Variants in ARFGEF1 observed in about 807,000 individuals in gnomAD.
The protein encoded by ARFGEF1 is brefeldin A-inhibited guanine nucleotide-exchange protein 1.
Under a neutral mutation model 231.0 loss-of-function variants are expected in ARFGEF1, and 42 were observed. That is an observed-to-expected ratio of 0.18 (90% confidence interval 0.14 to 0.24). The LOEUF is 0.24. Among genes scored for constraint, ARFGEF1 ranks in the 10% least tolerant of loss-of-function variants. The pLI is 1.00. For synonymous variants in ARFGEF1, 710 were observed against 732.3 expected (o/e 0.97, Z 0.49); for missense variants, 1,345 against 2,192.0 (o/e 0.61, Z 7.72).
At chr8:67,288,655 C>A (rs1163711612) in intron 6 of ARFGEF1, among the ~76,000 whole-genome samples, 3 of 152,068 alleles carry the variant, frequency 2.0e-5, no homozygotes, top group Non-Finnish European at 2.9e-5. Context: ...ACTGCTTGAA[C>A]TCGGGAGGTA....
chr8:67,288,475 G>A (rs1003347822), intron 6 of ARFGEF1, among the ~76,000 whole-genome samples: 2 of 151,654 alleles, frequency 1.3e-5, no homozygotes, highest in Non-Finnish European at 2.9e-5. Flanking sequence ...GCTCATGCCT[G>A]TAATTTCAGC....
chr8:67,183,823 G>C (rs1833634384), intron 5 of ARFGEF1, among the ~76,000 whole-genome samples: 1 of 141,676 alleles, frequency 7.1e-6, no homozygotes, highest in Non-Finnish European at 1.5e-5. Context: ...TGATAAGCCA[G>C]ACTATGTAAA....
rs1808736733 is a variant in ARFGEF1, at chr8:67,343,200, G to A, written c.88C>T (p.His30Tyr). ...LADKEVKKAH[H>Y]SQLRKACEVA... ...TCGCAAGCTTTGCGCAGCTGGGAGT[G>A]ATGCGCCTTCTTCACTTCCTTGTCG... Residue 30 changes from histidine (H) to tyrosine (Y), a missense_variant, in exon 1 of 39, where the codon CAC becomes TAC. Coordinates refer to ENST00000262215, the MANE Select transcript of ARFGEF1 (RefSeq NM_006421.5). 1.2e-6 allele frequency: 2 copies of A among 1,613,110 alleles called. No individual in the cohort carries two copies. The highest frequency in any genetic ancestry group is 1.1e-5 in the South Asian group (1 of 91,024).
Position 67,277,337 on chromosome 8 carries a change from G to C in ARFGEF1, c.1148C>G (p.Ala383Gly). ...NGIPGTPISV[A>G]YTPSLPDDRL... Reference sequence around the variant, plus strand: ...ATCATCAGGTAAGGATGGTGTATATGCAACAGAAATTGGTGTTCCTGGAAT... The same window carrying C: ...ATCATCAGGTAAGGATGGTGTATATCCAACAGAAATTGGTGTTCCTGGAAT... The change falls in exon 8 of 39, where the codon GCA (alanine) becomes GGA (glycine). Residue 383 changes from alanine (A) to glycine (G), a missense_variant. Physicochemically the swap from Ala to Gly is moderately conservative, Grantham distance 60. Around this residue, in one of 14 missense-constraint regions of ARFGEF1, gnomAD observed 398 missense variants for 463.2 expected, o/e 0.86. Coordinates refer to ENST00000262215, the MANE Select transcript of ARFGEF1 (RefSeq NM_006421.5). The C allele has an allele frequency of 2.5e-6, 4 of 1,613,444 alleles. No individual in the cohort carries two copies. The highest frequency in any genetic ancestry group is 3.4e-6 in the Non-Finnish European group (4 of 1,179,642).
chr8:67,182,676 T>G (rs1833358702), intron 5 of ARFGEF1, among the ~76,000 whole-genome samples: 1 of 152,244 alleles, frequency 6.6e-6, no homozygotes, highest in African/African-American at 2.4e-5. Flanking sequence ...GTAGCAATCC[T>G]TACGGGTGTG....
At chr8:67,279,210 T>C (rs1192926702) in intron 7 of ARFGEF1, among the ~76,000 whole-genome samples, 1 of 152,034 alleles carries the variant, frequency 6.6e-6, no homozygotes, top group African/African-American at 2.4e-5. Flanking sequence ...TTCCCCAGAG[T>C]ACTTATTCCA....
Position 67,228,259 on chromosome 8 carries a change from A to T in ARFGEF1, c.3386T>A (p.Phe1129Tyr). Reference sequence around the variant, plus strand: ...TCCATCTAGCCTTGTAGATCCTGTGAATATTCTAGGGAAAATAAAACACAA... The same window carrying T: ...TCCATCTAGCCTTGTAGATCCTGTGTATATTCTAGGGAAAATAAAACACAA... ...QSVVVAVDRIFTGSTRLDGNA... is the reference protein window; with the variant it reads ...QSVVVAVDRIYTGSTRLDGNA... The change falls in exon 24 of 39, where the codon TTC becomes TAC. Residue 1129 changes from phenylalanine to tyrosine, a missense_variant. This residue lies in a region of ARFGEF1 where 146 missense variants were observed against 321.4 expected (regional missense o/e 0.45). Coordinates refer to ENST00000262215, the MANE Select transcript of ARFGEF1 (RefSeq NM_006421.5). The T allele has an allele frequency of 6.2e-7, 1 of 1,608,310 alleles. No individual in the cohort carries two copies. Among genetic ancestry groups the T allele is most frequent in the Non-Finnish European group, 8.5e-7 (1 of 1,176,532 alleles).
intron 7 of ARFGEF1, among the ~76,000 whole-genome samples, chr8:67,285,166 A>G (rs1805700748): frequency 6.6e-6 from 1 of 152,172 alleles, no homozygotes; most frequent in Non-Finnish European, 1.5e-5. Context: ...TAAGAATTAG[A>G]AAATTGCTAT....
intron 19 of ARFGEF1, among the ~76,000 whole-genome samples, chr8:67,249,395 G>A (rs1840204276): frequency 6.7e-6 from 1 of 150,098 alleles, no homozygotes; most frequent in Admixed American, 6.7e-5. Context: ...TAGGTTAGGT[G>A]TATTAAATAC....
At chr8:67,244,692 A>T (rs1292475737) in intron 19 of ARFGEF1, among the ~76,000 whole-genome samples, 1 of 150,170 alleles carries the variant, frequency 6.7e-6, no homozygotes, top group Non-Finnish European at 1.5e-5. Context: ...GTCAGAGGAG[A>T]CAAAAGAAAA....
At chr8:67,177,753 G>C (rs1832035524) in intron 5 of ARFGEF1, 3 of 1,572,448 alleles carry the variant, frequency 1.9e-6, no homozygotes, top group Non-Finnish European at 2.6e-6. Flanking sequence ...AATTTTTCAA[G>C]TTAGTTTTTG....
intron 29 of ARFGEF1, among the ~76,000 whole-genome samples, chr8:67,222,227 A>ATGTGTG (rs1554636859): frequency 2.6e-5 from 3 of 115,156 alleles, no homozygotes; most frequent in Admixed American, 9.9e-5. Context: ...ATATATATGT[A>ATGTGTG]TATGTATGTA....
intron 1 of ARFGEF1, among the ~76,000 whole-genome samples, chr8:67,333,995 G>C (rs932856745): frequency 3.3e-5 from 5 of 152,122 alleles, no homozygotes; most frequent in African/African-American, 1.2e-4. Flanking sequence ...AATTAGCTGA[G>C]CATGGTGGCG....
intron 23 of ARFGEF1, among the ~76,000 whole-genome samples, chr8:67,230,093 C>A (rs982198733): frequency 6.6e-6 from 1 of 151,924 alleles, no homozygotes; most frequent in African/African-American, 2.4e-5. Flanking sequence ...TACTCACTGC[C>A]ATAGTCTCTG....
At chr8:67,293,758 G>A (rs571209069) in intron 5 of ARFGEF1, among the ~76,000 whole-genome samples, 6 of 152,082 alleles carry the variant, frequency 3.9e-5, no homozygotes, top group Admixed American at 2.6e-4. Flanking sequence ...ACAATGTACC[G>A]GTGTGACCGC....
chr8:67,193,727 G>T, downstream of ARFGEF1: 1 of 722,020 alleles, frequency 1.4e-6, no homozygotes, highest in Non-Finnish European at 2.2e-6. Context: ...GAGTTGTATG[G>T]CCCAAGACAT....
At chr8:67,211,277 G>A (rs1838736924) in intron 34 of ARFGEF1, among the ~76,000 whole-genome samples, 1 of 149,256 alleles carries the variant, frequency 6.7e-6, no homozygotes. Flanking sequence ...CCGGGAGGCG[G>A]AGGTTGCAGT....
rs1383573716 is a variant in ARFGEF1 at position 67,185,497 on chromosome 8, C to G, written c.561-9925G>C. ...TAACACTGGCAACTTTGAAAATGTA[C>G]AGCCAATGGTTTCCCTTGGGGGCTT... On this transcript the variant is annotated intron_variant, in intron 5 of 5. Coordinates refer to the ARFGEF1 transcript ENST00000518789. Among the ~76,000 whole-genome samples the G allele has an allele frequency of 2.0e-5, 3 of 152,202 alleles. No individual in the cohort carries two copies. In the East Asian group the frequency reaches 5.8e-4, roughly 29 times the overall value.
At chr8:67,197,469 T>A (rs1473105166), downstream of ARFGEF1, among the ~76,000 whole-genome samples, 2 of 152,056 alleles carry the variant, frequency 1.3e-5, no homozygotes, top group East Asian at 3.9e-4. Context: ...ATAAAAATTT[T>A]AAAAATTGCC....
Sources: allele counts gnomAD v4.1 joint callset (sites outside exome capture counted in the v4.1 genomes callset), GRCh38; gene constraint gnomAD v4.1.1; regional missense constraint gnomAD v4.1.1; transcripts MANE v1.5; gene names NCBI Gene and HGNC (gene_info 2026-07-23, HGNC 2026-07-21).